Variants in ACACB observed in about 807,000 individuals in gnomAD.
ACACB encodes the protein acetyl-CoA carboxylase beta.
In ACACB, 209 loss-of-function variants were observed where a neutral mutation model predicts 278.8. The ratio of observed to expected loss-of-function variants is 0.75; its 90% CI spans 0.67 to 0.84. The LOEUF (loss-of-function observed/expected upper bound fraction) is 0.84, where lower values mean the gene tolerates loss of function less well. ACACB is among the 40% of genes least tolerant of loss of function. The probability of loss-of-function intolerance (pLI) is 0.00; values close to 1 mark genes in which losing one functional copy is unlikely to be tolerated. For synonymous variants in ACACB, 1,174 were observed against 1,285.6 expected, an observed-to-expected ratio of 0.91 and a Z score of 1.86; for missense variants, 2,850 against 3,269.0, an observed-to-expected ratio of 0.87 and a Z score of 3.13.
chr12:109,235,175 T>G, intron 31 of ACACB, 138 bp from the exon 32 acceptor site: 1 of 721,432 alleles, frequency 1.4e-6, no homozygotes, highest in Non-Finnish European at 2.4e-6. Flanking sequence ...TGGAATCAGA[T>G]CACAGGAGGT....
chr12:109,129,713 C>G (rs866031778), intron 1 of ACACB, among the ~76,000 whole-genome samples: 5 of 152,168 alleles, frequency 3.3e-5, no homozygotes, highest in African/African-American at 2.4e-5. Context: ...CCTCTGCCCC[C>G]CAAAAGCAGT....
intron 1 of ACACB, among the ~76,000 whole-genome samples, chr12:109,122,660 T>A (rs2042578302): frequency 6.6e-6 from 1 of 151,486 alleles, no homozygotes; most frequent in Non-Finnish European, 1.5e-5. Context: ...AATATTCAGG[T>A]TTCAGTCAGC....
At chr12:109,196,810 C>T (rs1235322309) in intron 16 of ACACB, among the ~76,000 whole-genome samples, 198 bp from the exon 17 acceptor site, 3 of 152,166 alleles carry the variant, frequency 2.0e-5, no homozygotes, top group Non-Finnish European at 2.9e-5. Flanking sequence ...AGGTGTGGCT[C>T]GCTACTCCAG....
intron 25 of ACACB, 65 bp downstream of exon 25, chr12:109,222,685 C>A: frequency 6.6e-7 from 1 of 1,526,600 alleles, no homozygotes; most frequent in Non-Finnish European, 9.1e-7. Context: ...TGTCCCCTAC[C>A]GTGCTCAGCC....
intron 16 of ACACB, among the ~76,000 whole-genome samples, chr12:109,194,583 T>G (rs140022253): frequency 1.9e-4 from 12 of 64,474 alleles, no homozygotes; most frequent in African/African-American, 4.2e-4. Flanking sequence ...GGGATTACAG[T>G]CATGAGCCAC....
chr12:109,251,264 T>C (rs1565973883), intron 41 of ACACB, among the ~76,000 whole-genome samples: 1 of 152,190 alleles, frequency 6.6e-6, no homozygotes, highest in Non-Finnish European at 1.5e-5. Flanking sequence ...ATATTAATTT[T>C]AGAGAGACAC....
chr12:109,222,796 C>A lies in ACACB; in HGVS notation c.3679-3C>A, dbSNP rs889547059. On this transcript the variant is annotated splice_region_variant and splice_polypyrimidine_tract_variant and intron_variant, in intron 25 of 52. Transcript: ENST00000338432. Reference sequence around the variant, plus strand: ...GCCAGCGCCCCCATCCCTCCCCCTGCAGATCCTGATTGCCTCCCACCTCCC... The same window carrying A: ...GCCAGCGCCCCCATCCCTCCCCCTGAAGATCCTGATTGCCTCCCACCTCCC... 3 of 1,611,516 alleles carry A rather than the reference C, an allele frequency of 1.9e-6. No homozygotes were observed. Among genetic ancestry groups the A allele is most frequent in the Non-Finnish European group, 2.5e-6 (3 of 1,178,078 alleles).
rs34708647 is a variant in ACACB, at chr12:109,233,933, C to A, written c.4240-5C>A. 0.21 allele frequency: 342,338 copies of A among 1,613,620 alleles called. 38,169 individuals are homozygous for A. Among genetic ancestry groups the A allele is most frequent in the Non-Finnish European group, 0.23 (269,134 of 1,179,678 alleles). On this transcript the variant is annotated splice_polypyrimidine_tract_variant and splice_region_variant and intron_variant, in intron 30 of 52. Coordinates refer to ENST00000338432, the MANE Select transcript of ACACB (RefSeq NM_001093.4). ...CCAGCCCTACCCCTTGCTTCTCCCT[C>A]TCAGAGCCTCAGAGAAGAGCCCATC...
chr12:109,210,541 G>A (rs35926930), intron 21 of ACACB, among the ~76,000 whole-genome samples: 48,897 of 144,890 alleles, frequency 0.34, 8,880 homozygotes, highest in African/African-American at 0.47. Context: ...GTATATATAC[G>A]TGCATGTATA....
intron 24 of ACACB, among the ~76,000 whole-genome samples, chr12:109,221,893 T>TG (rs2046172155): frequency 1.7e-5 from 2 of 120,534 alleles, no homozygotes; most frequent in Admixed American, 7.7e-5. Flanking sequence ...TTTTTTTTTT[T>TG]TGGGGGGGAG....
At chr12:109,233,606 CT>C (rs2046542647) in intron 29 of ACACB, 141 bp from the exon 30 acceptor site, 2 of 680,006 alleles carry the variant, frequency 2.9e-6, no homozygotes, top group Non-Finnish European at 5.0e-6. Flanking sequence ...ACCTCCTGAG[CT>C]CTGTAGAGTT....
At chr12:109,213,950 G>A (rs1009380330) in intron 22 of ACACB, among the ~76,000 whole-genome samples, 2 of 152,032 alleles carry the variant, frequency 1.3e-5, no homozygotes, top group African/African-American at 2.4e-5. Flanking sequence ...TAGCAAGAAG[G>A]CTTTCCTTAT....
In ACACB at chr12:109,241,663, G is replaced by A. The variant is rs2046803788; in HGVS notation, c.5022+382G>A. The A allele has an allele frequency of 1.1e-5, 3 of 268,442 alleles. No individual in the cohort carries two copies. In the Admixed American group the frequency reaches 1.4e-4, roughly 13 times the overall value. The allele number at this position is 268,442 out of a possible 1,614,324, so 16.6% of individuals were successfully genotyped here. On this transcript the variant is annotated intron_variant, in intron 36 of 52. Transcript: ENST00000338432. The stretch of plus-strand genomic sequence containing the variant: ...CGCCTGGCCATATGGCCATATTTGG[G>A]ATAAGTTGTGCACTACTGTGGTTGA...
chr12:109,166,649 CAAAAAA>C (rs869303420), intron 2 of ACACB, among the ~76,000 whole-genome samples: 4 of 25,088 alleles, frequency 1.6e-4, no homozygotes, highest in African/African-American at 7.2e-4. Context: ...GATCCCGTCT[CAAAAAA>C]AAAAAAAAAA....
At chr12:109,142,256 A>G (rs1408945583) in intron 2 of ACACB, among the ~76,000 whole-genome samples, 1 of 152,206 alleles carries the variant, frequency 6.6e-6, no homozygotes, top group Non-Finnish European at 1.5e-5. Context: ...CTCAAAATAA[A>G]AAAACAAAAA....
chr12:109,147,234 G>A (rs1356013464), intron 2 of ACACB, among the ~76,000 whole-genome samples: 1 of 151,512 alleles, frequency 6.6e-6, no homozygotes, highest in Non-Finnish European at 1.5e-5. Flanking sequence ...TTGTTTGTTT[G>A]TTTGTTTGTT....
At chr12:109,111,359 T>TG in the ACACB span, 2 of 152,206 alleles carry the variant, frequency 1.3e-5, no homozygotes, top group African/African-American at 4.8e-5. Flanking sequence ...GGGAGCCGCC[T>TG]GCATCCCCCG....
chr12:109,222,915 G>A lies in ACACB; in HGVS notation c.3792+3G>A, dbSNP rs1232806169. 1 of 1,599,504 alleles carries A rather than the reference G, an allele frequency of 6.3e-7. No homozygotes were observed. Among genetic ancestry groups the A allele is most frequent in the Non-Finnish European group, 8.5e-7 (1 of 1,171,596 alleles). Reference sequence around the variant, plus strand: ...AGTTCTGCCCCGAGAACCTCAAGGTGAGCCCGTCTCCTTCCTTTCACCATC... The same window carrying A: ...AGTTCTGCCCCGAGAACCTCAAGGTAAGCCCGTCTCCTTCCTTTCACCATC... On this transcript the variant is annotated splice_donor_region_variant and intron_variant, in intron 26 of 52. Coordinates refer to ENST00000338432, the MANE Select transcript of ACACB (RefSeq NM_001093.4).
Position 109,144,278 on chromosome 12 carries a change from A to G in ACACB, c.653+4220A>G, listed in dbSNP as rs1326286605. 2.0e-5 allele frequency among the ~76,000 whole-genome samples: 3 copies of G among 152,010 alleles called. No homozygotes were observed. The East Asian group carries it at 5.8e-4, about 29-fold the overall frequency. On this transcript the variant is annotated intron_variant, in intron 2 of 52. Coordinates refer to ENST00000338432, the MANE Select transcript of ACACB (RefSeq NM_001093.4). The stretch of plus-strand genomic sequence containing the variant: ...CAGTGAGCTGAGATCACGCCACTAC[A>G]CTCCAGCATGGGCAACAGAGTGAGA...
Sources: gnomAD v4.1 joint callset for allele counts (sites outside exome capture counted in the v4.1 genomes callset) on GRCh38, gnomAD v4.1.1 for gene constraint, MANE v1.5 for transcripts, NCBI Gene and HGNC (gene_info 2026-07-23, HGNC 2026-07-21) for gene names.